Variants in RIMBP2 observed in about 807,000 individuals in gnomAD.
The protein encoded by RIMBP2 is RIMS-binding protein 2.
In RIMBP2, 48 loss-of-function variants were observed where a neutral mutation model predicts 118.6. The observed-to-expected ratio is 0.40, with a 90% CI of 0.32 to 0.51. The LOEUF (loss-of-function observed/expected upper bound fraction) is 0.51. Among genes scored for constraint, RIMBP2 ranks in the 20% least tolerant of loss-of-function variants. The probability of loss-of-function intolerance (pLI) is 0.41; values close to 1 mark genes in which losing one functional copy is unlikely to be tolerated. For missense variants in RIMBP2, 1,551 were observed against 1,768.3 expected, an observed-to-expected ratio of 0.88 and a Z score of 2.20; for synonymous variants, 762 against 742.9, an observed-to-expected ratio of 1.03 and a Z score of -0.42.
At position 130,464,676 on chromosome 12, in the gene RIMBP2, C is replaced by T. The variant is rs114130700; in HGVS notation, c.153+6017G>A. Reference sequence around the variant, plus strand: ...TAGGCCATTGCACCAGGGCAGAAGACGAGGCCAAGAGGGACTTGCGGTCAC... The same window carrying T: ...TAGGCCATTGCACCAGGGCAGAAGATGAGGCCAAGAGGGACTTGCGGTCAC... On this transcript the variant is annotated intron_variant, in intron 6 of 22. Transcript: ENST00000690449. Among the ~76,000 whole-genome samples, 791 of 152,340 alleles carry T rather than the reference C, an allele frequency of 5.2e-3. 9 individuals carry two copies. The highest frequency in any genetic ancestry group is 0.018 in the African/African-American group (752 of 41,572).
chr12:130,541,166 C>T (rs1429868930), intron 2 of RIMBP2, among the ~76,000 whole-genome samples: 3 of 152,204 alleles, frequency 2.0e-5, no homozygotes, highest in Non-Finnish European at 4.4e-5. Flanking sequence ...GAGCACACTG[C>T]ACTCCTGGGC....
intron 1 of RIMBP2, among the ~76,000 whole-genome samples, chr12:130,663,831 T>C (rs962886577): frequency 1.3e-5 from 2 of 151,718 alleles, no homozygotes. Flanking sequence ...TTTAAAGATA[T>C]GCAAATACAT....
At chr12:130,591,449 G>A (rs994518873) in intron 2 of RIMBP2, among the ~76,000 whole-genome samples, 2 of 152,164 alleles carry the variant, frequency 1.3e-5, no homozygotes, top group African/African-American at 4.8e-5. Flanking sequence ...TGTTTCCTAG[G>A]ACTGCCTTGA....
At chr12:130,456,979 T>G (rs1206777622) in intron 6 of RIMBP2, among the ~76,000 whole-genome samples, 1 of 152,232 alleles carries the variant, frequency 6.6e-6, no homozygotes, top group Non-Finnish European at 1.5e-5. Flanking sequence ...ACCTGGCTAC[T>G]GGCCAATGTG....
chr12:130,521,530 G>A (rs556514556), intron 2 of RIMBP2, among the ~76,000 whole-genome samples: 9 of 152,316 alleles, frequency 5.9e-5, no homozygotes, highest in East Asian at 5.8e-4. Context: ...ACAAACGCAC[G>A]CGTGGTCCCA....
intron 7 of RIMBP2, among the ~76,000 whole-genome samples, chr12:130,452,569 C>T (rs1390246161): frequency 6.6e-6 from 1 of 152,268 alleles, no homozygotes; most frequent in Non-Finnish European, 1.5e-5. Context: ...GCAGGCTACT[C>T]CCCTTCCAAC....
intron 20 of RIMBP2, 86 bp downstream of exon 20, chr12:130,407,640 A>C (rs2075299282): frequency 9.7e-7 from 1 of 1,033,660 alleles, no homozygotes; most frequent in Non-Finnish European, 1.5e-6. Flanking sequence ...TGAGGAGGTG[A>C]ACACACGTGG....
intron 14 of RIMBP2, among the ~76,000 whole-genome samples, chr12:130,433,567 T>G (rs2077292962): frequency 6.6e-6 from 1 of 152,198 alleles, no homozygotes; most frequent in African/African-American, 2.4e-5. Context: ...CCTGGTGGGC[T>G]TTCGGATGAC....
chr12:130,539,257 G>T (rs1355083821), intron 2 of RIMBP2, among the ~76,000 whole-genome samples: 1 of 152,110 alleles, frequency 6.6e-6, no homozygotes, highest in Non-Finnish European at 1.5e-5. Flanking sequence ...AACAGTGTCA[G>T]TGAATGCATA....
rs12426028 is a variant in RIMBP2 at position 130,621,625 on chromosome 12, A to T, written c.-217+6697T>A. ...CCAAGGCCTCTCTGAGCCCACGGCT[A>T]TATCAGCAGCCTCATTTATGTGTCC... On this transcript the variant is annotated intron_variant, in intron 2 of 22. Transcript: ENST00000690449. This position sits in a 1 kb window ranked among gnomAD's most constrained non-coding sequence, Gnocchi z 6.6. 0.043 allele frequency among the ~76,000 whole-genome samples: 6,511 copies of T among 152,330 alleles called. 175 individuals are homozygous for T. Among genetic ancestry groups the T allele is most frequent in the Admixed American group, 0.08 (1,216 of 15,294 alleles).
intron 12 of RIMBP2, 74 bp from the exon 13 acceptor site, chr12:130,437,365 T>A: frequency 7.8e-7 from 1 of 1,282,686 alleles, no homozygotes; most frequent in Non-Finnish European, 1.1e-6. Flanking sequence ...AGCCGACCAG[T>A]CCTCTGCCCA....
At chr12:130,428,512 C>A in intron 14 of RIMBP2, 175 bp from the exon 15 acceptor site, 1 of 568,576 alleles carries the variant, frequency 1.8e-6, no homozygotes, top group Middle Eastern at 3.1e-4. Flanking sequence ...AGAGAGGACA[C>A]ACCCACTCTC....
At chr12:130,486,326 G>T (rs1369169297) in intron 4 of RIMBP2, among the ~76,000 whole-genome samples, 1 of 139,396 alleles carries the variant, frequency 7.2e-6, no homozygotes, top group East Asian at 2.2e-4. Context: ...CTCTCCCCCT[G>T]ACCTCTGCAA....
chr12:130,677,837 T>G (rs1290154411), intron 1 of RIMBP2, among the ~76,000 whole-genome samples: 1 of 152,162 alleles, frequency 6.6e-6, no homozygotes, highest in Non-Finnish European at 1.5e-5. Flanking sequence ...CAGAGCAATG[T>G]TCATTTTAAA....
intron 4 of RIMBP2, among the ~76,000 whole-genome samples, chr12:130,494,000 G>A (rs1279927609): frequency 6.6e-6 from 1 of 152,180 alleles, no homozygotes; most frequent in Non-Finnish European, 1.5e-5. Context: ...AGAGGCCCTG[G>A]CTTGTGTGGG....
At chr12:130,397,578 A>C (rs2074157417) in intron 22 of RIMBP2, 29 bp from the exon 23 acceptor site, 1 of 398,814 alleles carries the variant, frequency 2.5e-6, no homozygotes, top group East Asian at 3.6e-5. Context: ...CAGTTTATTG[A>C]GTGTGTGAGC....
chr12:130,420,356 G>A lies in RIMBP2; in HGVS notation c.3238+2097C>T, dbSNP rs1379891869. The stretch of plus-strand genomic sequence containing the variant: ...ATTAAAGCAAACCTATCATAGGTTT[G>A]TCAGTTAACTCTTTTCTGAGTTATG... On this transcript the variant is annotated intron_variant, in intron 17 of 22. Coordinates refer to ENST00000690449, the MANE Select transcript of RIMBP2 (RefSeq NM_001393629.1). The surrounding 1 kb of genome is among the most constrained non-coding windows in gnomAD (Gnocchi z 4.3). 6.6e-6 allele frequency among the ~76,000 whole-genome samples: 1 copy of A among 152,190 alleles called. No homozygotes were observed. Among genetic ancestry groups the A allele is most frequent in the African/African-American group, 2.4e-5 (1 of 41,444 alleles).
rs2076927252 is a variant in RIMBP2, at chr12:130,428,340, G to A, written c.2254-3C>T. 3 of 1,602,608 alleles carry A rather than the reference G, an allele frequency of 1.9e-6. No homozygotes were observed. Among genetic ancestry groups the A allele is most frequent in the Non-Finnish European group, 2.6e-6 (3 of 1,174,204 alleles). On this transcript the variant is annotated splice_region_variant and splice_polypyrimidine_tract_variant and intron_variant, in intron 14 of 22. Coordinates refer to ENST00000690449, the MANE Select transcript of RIMBP2 (RefSeq NM_001393629.1). ...TCGTCTCCATGGCAACAGTGCGGCT[G>A]GGGGCCAAGAAAAGGGGCTACTGAG...
chr12:130,417,968 G>A (rs1485112158), intron 17 of RIMBP2, among the ~76,000 whole-genome samples: 3 of 152,128 alleles, frequency 2.0e-5, no homozygotes, highest in Non-Finnish European at 4.4e-5. Flanking sequence ...TGGCAGCAGA[G>A]AGAGCAGCAT....
Sources: allele counts gnomAD v4.1 joint callset (sites outside exome capture counted in the v4.1 genomes callset), GRCh38; gene constraint gnomAD v4.1.1; non-coding constraint Gnocchi (gnomAD v3.1); transcripts MANE v1.5; gene names NCBI Gene and HGNC (gene_info 2026-07-23, HGNC 2026-07-21).